Variants in VCF1 observed in about 807,000 individuals in gnomAD.
The protein encoded by VCF1 is protein VCF1.
At chr17:73,232,184 G>A in the VCF1 span, 8 of 1,608,838 alleles carry the variant, frequency 5.0e-6, no homozygotes, top group African/African-American at 1.3e-5. Flanking sequence ...TTCGGCGGCC[G>A]CCACGCCCAC....
chr17:73,225,604 C>A, the VCF1 span, among the ~76,000 whole-genome samples: 1 of 151,732 alleles, frequency 6.6e-6, no homozygotes, highest in African/African-American at 2.4e-5. Context: ...TATAGCAGGA[C>A]TTACATACAG....
At chr17:73,232,088 G>T in the VCF1 span, 54 of 1,604,812 alleles carry the variant, frequency 3.4e-5, no homozygotes, top group South Asian at 5.5e-4. Context: ...CCTCTCACCT[G>T]GGACGGAGGC....
the VCF1 span, among the ~76,000 whole-genome samples, chr17:73,226,987 G>T: frequency 6.6e-6 from 1 of 152,154 alleles, no homozygotes; most frequent in Non-Finnish European, 1.5e-5. Context: ...CTGTTTTGCT[G>T]GGGACAGGGT....
chr17:73,222,790 A>G, the VCF1 span, among the ~76,000 whole-genome samples: 1 of 36,938 alleles, frequency 2.7e-5, no homozygotes, highest in African/African-American at 9.3e-5. Context: ...AAAAAAAAAA[A>G]AGAAAAAAAA....
the VCF1 span, chr17:73,207,645 GA>G: frequency 7.9e-7 from 1 of 1,271,936 alleles, no homozygotes; most frequent in South Asian, 1.2e-5. Context: ...GGAAGTAACA[GA>G]AAATTTGTTT....
At chr17:73,231,434 G>A in the VCF1 span, among the ~76,000 whole-genome samples, 1 of 152,102 alleles carries the variant, frequency 6.6e-6, no homozygotes, top group Non-Finnish European at 1.5e-5. Context: ...AGGCTCCCTC[G>A]GGAAGGTAGC....
At chr17:73,212,976 T>G in the VCF1 span, among the ~76,000 whole-genome samples, 2 of 152,244 alleles carry the variant, frequency 1.3e-5, no homozygotes, top group Non-Finnish European at 2.9e-5. Context: ...CTGGGCGCGG[T>G]GGTTCACGCC....
At chr17:73,228,025 G>A in the VCF1 span, among the ~76,000 whole-genome samples, 10 of 152,214 alleles carry the variant, frequency 6.6e-5, no homozygotes, top group African/African-American at 1.2e-4. Context: ...TGTCCAATAC[G>A]GTAGCCACTA....
the VCF1 span, among the ~76,000 whole-genome samples, chr17:73,230,320 T>C: frequency 1.3e-5 from 2 of 151,726 alleles, no homozygotes; most frequent in African/African-American, 4.8e-5. Flanking sequence ...AATCAACCAA[T>C]CAATCAATCA....
the VCF1 span, among the ~76,000 whole-genome samples, chr17:73,225,214 A>C: frequency 6.6e-6 from 1 of 152,208 alleles, no homozygotes; most frequent in Non-Finnish European, 1.5e-5. Flanking sequence ...GGAGTGGCTC[A>C]ACAACTGAAT....
At chr17:73,225,747 G>A in the VCF1 span, among the ~76,000 whole-genome samples, 3 of 151,288 alleles carry the variant, frequency 2.0e-5, no homozygotes, top group African/African-American at 7.3e-5. Flanking sequence ...GATATTCATG[G>A]TAGCCTCTAA....
chr17:73,220,122 C>T, the VCF1 span, among the ~76,000 whole-genome samples: 33 of 152,034 alleles, frequency 2.2e-4, no homozygotes, highest in Middle Eastern at 3.4e-3. Context: ...AACTCTAAGA[C>T]GGATTAAAGA....
At chr17:73,215,260 A>C in the VCF1 span, among the ~76,000 whole-genome samples, 1 of 152,190 alleles carries the variant, frequency 6.6e-6, no homozygotes, top group Non-Finnish European at 1.5e-5. Context: ...GCCATGATAC[A>C]ATCTATTTTG....
the VCF1 span, chr17:73,209,276 C>G: frequency 5.3e-6 from 3 of 566,912 alleles, no homozygotes; most frequent in African/African-American, 5.6e-5. Flanking sequence ...CCTCAAACCA[C>G]TACCTTGACA....
At chr17:73,227,147 T>C in the VCF1 span, 1 of 1,536,046 alleles carries the variant, frequency 6.5e-7, no homozygotes, top group Non-Finnish European at 8.8e-7. Flanking sequence ...CAACAGACTA[T>C]GTGACCACAC....
At chr17:73,224,254 T>C in the VCF1 span, among the ~76,000 whole-genome samples, 1 of 83,782 alleles carries the variant, frequency 1.2e-5, no homozygotes, top group East Asian at 3.9e-4. Flanking sequence ...TAGTGAGACG[T>C]CGTCTCTCCA....
the VCF1 span, among the ~76,000 whole-genome samples, chr17:73,212,029 CA>C: frequency 8.6e-5 from 13 of 151,276 alleles, no homozygotes; most frequent in African/African-American, 2.7e-4. Context: ...GAGACTGTCT[CA>C]AAAAAAATAA....
the VCF1 span, chr17:73,208,529 C>G: frequency 2.7e-6 from 4 of 1,498,790 alleles, no homozygotes; most frequent in Non-Finnish European, 3.7e-6. Flanking sequence ...TCATCTGATT[C>G]TCAGCCACAC....
chr17:73,229,525 C>T, the VCF1 span: 1 of 985,274 alleles, frequency 1.0e-6, no homozygotes, highest in Non-Finnish European at 1.2e-6. Flanking sequence ...TATTTCATTT[C>T]TCTCCAACCT....
Sources: gnomAD v4.1 joint callset for allele counts (sites outside exome capture counted in the v4.1 genomes callset) on GRCh38, gnomAD v4.1.1 for gene constraint, MANE v1.5 for transcripts, NCBI Gene and HGNC (gene_info 2026-07-23, HGNC 2026-07-21) for gene names.